Variants in ZWILCH observed in about 807,000 individuals in gnomAD.
ZWILCH encodes the protein zwilch kinetochore protein, also known as protein zwilch homolog.
Under a neutral mutation model 79.9 loss-of-function variants are expected in ZWILCH, and 74 were observed. The ratio of observed to expected loss-of-function variants is 0.93; its 90% confidence interval spans 0.77 to 1.12. ZWILCH has a LOEUF of 1.12. Among genes scored for constraint, ZWILCH ranks in the 50% most tolerant of loss-of-function variants. The pLI is 0.00. For missense variants in ZWILCH, 694 were observed against 687.5 expected (o/e 1.01, Z -0.11); for synonymous variants, 241 against 228.2 (o/e 1.06, Z -0.51).
intron 8 of ZWILCH, 69 bp from the exon 9 acceptor site, chr15:66,527,221 A>G: frequency 9.5e-7 from 1 of 1,052,584 alleles, no homozygotes. Context: ...TATTATTATT[A>G]CATACATCCT....
intron 10 of ZWILCH, 24 bp downstream of exon 10, chr15:66,527,936 A>C: frequency 6.4e-7 from 1 of 1,568,004 alleles, no homozygotes; most frequent in Non-Finnish European, 8.6e-7. Flanking sequence ...ATCAGTTAGA[A>C]ATATACACAG....
chr15:66,510,612 T>C (rs1336485445), intron 2 of ZWILCH, among the ~76,000 whole-genome samples: 3 of 152,190 alleles, frequency 2.0e-5, no homozygotes, highest in Non-Finnish European at 4.4e-5. Context: ...AGAGCTGCTA[T>C]AGCAAAATAC....
chr15:66,515,172 C>T (rs1374068281), intron 3 of ZWILCH, among the ~76,000 whole-genome samples: 1 of 151,684 alleles, frequency 6.6e-6, no homozygotes, highest in Non-Finnish European at 1.5e-5. Flanking sequence ...TTTGTCTCGA[C>T]CTCTTGGGCT....
intron 5 of ZWILCH, among the ~76,000 whole-genome samples, chr15:66,519,485 T>C (rs879877429): frequency 6.6e-6 from 1 of 152,224 alleles, no homozygotes; most frequent in Non-Finnish European, 1.5e-5. Context: ...GACGGAGTCT[T>C]GCTCTGTCGC....
Position 66,532,291 on chromosome 15 carries a change from G to A in ZWILCH, c.1200G>A (p.Gln400=), listed in dbSNP as rs1894876593. 4 of 1,609,818 alleles carry A rather than the reference G, an allele frequency of 2.5e-6. No homozygotes were observed. Among genetic ancestry groups the A allele is most frequent in the Non-Finnish European group, 3.4e-6 (4 of 1,178,248 alleles). The part of the protein sequence containing the change: ...SNSLLSKLIH[Q]SYHGTMDTVS... ...GTTTACTAAGTAAGCTCATTCATCAGTCTTATCATGGAACCATGGACACAG... is the reference window on the plus strand; with the variant it reads ...GTTTACTAAGTAAGCTCATTCATCAATCTTATCATGGAACCATGGACACAG... The change falls in exon 13 of 19, where the codon CAG becomes CAA. Residue 400 remains glutamine (Q), a synonymous_variant. Coordinates refer to ENST00000307897, the MANE Select transcript of ZWILCH (RefSeq NM_017975.5).
intron 1 of ZWILCH, 192 bp downstream of exon 1, chr15:66,505,583 C>A (rs1893782309): frequency 3.2e-6 from 2 of 620,272 alleles, no homozygotes; most frequent in Admixed American, 6.7e-5. Context: ...TTGCTTGTCT[C>A]AGGAGAAAAC....
intron 2 of ZWILCH, among the ~76,000 whole-genome samples, chr15:66,510,204 T>TAAATAAAATAAAATAAAATA (rs569377201): frequency 0.044 from 6,115 of 138,486 alleles, 194 homozygotes; most frequent in Middle Eastern, 0.081. Context: ...TAAAATAAAA[T>TAAATAAAATAAAATAAAATA]AAATAAAATA....
chr15:66,525,450 T>C (rs1024232344), intron 8 of ZWILCH, among the ~76,000 whole-genome samples: 1 of 152,240 alleles, frequency 6.6e-6, no homozygotes, highest in African/African-American at 2.4e-5. Context: ...TTTTTTCTTT[T>C]ATTCCACATA....
intron 8 of ZWILCH, among the ~76,000 whole-genome samples, chr15:66,525,091 T>C (rs1271998955): frequency 1.3e-5 from 2 of 152,240 alleles, no homozygotes; most frequent in African/African-American, 4.8e-5. Context: ...TTCTCCAGAC[T>C]ACATCCTCTT....
chr15:66,545,371 A>T (rs1410439265), intron 17 of ZWILCH, among the ~76,000 whole-genome samples: 1 of 152,112 alleles, frequency 6.6e-6, no homozygotes, highest in Non-Finnish European at 1.5e-5. Context: ...AATAAAGTAA[A>T]TTTTATTTTG....
At position 66,549,833 on chromosome 15, in the gene ZWILCH, G is replaced by A. The variant is rs1895531502; in HGVS notation, c.*1509G>A. The A allele has an allele frequency of 4.9e-6, 2 of 412,068 alleles. No homozygotes were observed. Among genetic ancestry groups the A allele is most frequent in the Non-Finnish European group, 8.7e-6 (2 of 229,842 alleles). The allele number at this position is 412,068 out of a possible 1,614,324, so 25.5% of individuals were successfully genotyped here. A position where few individuals can be genotyped will look rare whatever the true frequency, so the allele number is the denominator to read the frequency against. On this transcript the variant is annotated 3_prime_UTR_variant, in exon 19 of 19. Coordinates refer to ENST00000307897, the MANE Select transcript of ZWILCH (RefSeq NM_017975.5). ...GAATAAAACTTGAATGGATAAAATG[G>A]ATAAAATGTTTATCTTTCATGGTAG... is the stretch of plus-strand genomic sequence containing the variant.
intron 12 of ZWILCH, among the ~76,000 whole-genome samples, chr15:66,529,992 C>T (rs1241653645): frequency 6.6e-6 from 1 of 152,044 alleles, no homozygotes; most frequent in East Asian, 1.9e-4. Context: ...GGCCTTTGAA[C>T]CAATAATTCT....
In ZWILCH at chr15:66,535,985, A is replaced by G. The variant is rs1474811865; in HGVS notation, c.1394A>G (p.Gln465Arg). 1.9e-6 allele frequency: 3 copies of G among 1,612,102 alleles called. No homozygotes were observed. The African/African-American group carries it at 4.0e-5, about 22-fold the overall frequency. The part of the protein sequence containing the change: ...VDIQEQVYRV[Q>R]KLHHILEILV... The stretch of plus-strand genomic sequence containing the variant: ...ATACAAGAACAGGTTTATCGTGTCC[A>G]AAAACTCCACCATATTCTAGAAATA... The change falls in exon 15 of 19, where the codon CAA becomes CGA. Residue 465 changes from glutamine (Q) to arginine (R), a missense_variant. Gln to Arg is a conservative substitution (Grantham distance 43). Coordinates refer to ENST00000307897, the MANE Select transcript of ZWILCH (RefSeq NM_017975.5).
intron 17 of ZWILCH, among the ~76,000 whole-genome samples, chr15:66,541,157 T>C (rs1895180936): frequency 6.6e-6 from 1 of 150,812 alleles, no homozygotes; most frequent in Admixed American, 6.6e-5. Flanking sequence ...TGTTGGTGGC[T>C]TGTTGCTGTA....
intron 3 of ZWILCH, 102 bp from the exon 4 acceptor site, chr15:66,515,424 T>C: frequency 1.3e-6 from 1 of 747,086 alleles, no homozygotes; most frequent in South Asian, 1.8e-5. Flanking sequence ...TAAAAATAAG[T>C]ACATTATGTT....
chr15:66,516,370 C>T (rs960690285), intron 4 of ZWILCH, among the ~76,000 whole-genome samples: 2 of 152,200 alleles, frequency 1.3e-5, no homozygotes, highest in African/African-American at 2.4e-5. Context: ...CCAAAAAGTC[C>T]TTGTCTTCAG....
At chr15:66,515,829 A>G (rs1199516557) in intron 4 of ZWILCH, among the ~76,000 whole-genome samples, 185 bp downstream of exon 4, 3 of 152,156 alleles carry the variant, frequency 2.0e-5, no homozygotes, top group African/African-American at 7.2e-5. Flanking sequence ...AATGTGACCA[A>G]GAATACTGCA....
At position 66,532,296 on chromosome 15, in the gene ZWILCH, A is replaced by G; in HGVS notation, c.1205A>G (p.Tyr402Cys). 4.3e-6 allele frequency: 7 copies of G among 1,611,566 alleles called. No homozygotes were observed. The highest frequency in any genetic ancestry group is 5.1e-6 in the Non-Finnish European group (6 of 1,178,920). ...SLLSKLIHQS[Y>C]HGTMDTVSLS... Reference sequence around the variant, plus strand: ...CTAAGTAAGCTCATTCATCAGTCTTATCATGGAACCATGGACACAGTTTCT... The same window carrying G: ...CTAAGTAAGCTCATTCATCAGTCTTGTCATGGAACCATGGACACAGTTTCT... Residue 402 changes from tyrosine (Y) to cysteine (C), a missense_variant, in exon 13 of 19, where the codon TAT becomes TGT. Transcript: ENST00000307897.
intron 17 of ZWILCH, among the ~76,000 whole-genome samples, chr15:66,541,194 G>T (rs1305287016): frequency 6.6e-6 from 1 of 151,726 alleles, no homozygotes; most frequent in Non-Finnish European, 1.5e-5. Flanking sequence ...AGGCTGAGGC[G>T]GGAGAATCAC....
Sources: gnomAD v4.1 joint callset for allele counts (sites outside exome capture counted in the v4.1 genomes callset) on GRCh38, gnomAD v4.1.1 for gene constraint, MANE v1.5 for transcripts, NCBI Gene and HGNC (gene_info 2026-07-23, HGNC 2026-07-21) for gene names.